Variants in RAB9A observed in about 807,000 individuals in gnomAD.
RAB9A encodes the protein RAB9A, member RAS oncogene family.
Under a neutral mutation model 10.3 loss-of-function variants are expected in RAB9A, and 1 was observed. The ratio of observed to expected loss-of-function variants is 0.10; its 90% CI spans 0.03 to 0.46. The LOEUF (loss-of-function observed/expected upper bound fraction) is 0.46. RAB9A is among the 20% of genes least tolerant of loss of function. The probability of loss-of-function intolerance (pLI) is 0.96; values close to 1 mark genes in which losing one functional copy is unlikely to be tolerated. For missense variants in RAB9A, 92 were observed against 150.3 expected (o/e 0.61, Z 2.03); for synonymous variants, 39 against 55.2 (o/e 0.71, Z 1.30).
chrX:13,694,287 C>T (rs752689359), intron 1 of RAB9A, among the ~76,000 whole-genome samples: 2 of 112,091 alleles, frequency 1.8e-5, no homozygotes, highest in South Asian at 7.4e-4. Flanking sequence ...AGTTTCACAC[C>T]TGTGTATTTG....
intron 1 of RAB9A, among the ~76,000 whole-genome samples, chrX:13,700,225 C>T (rs1197812728): frequency 8.9e-6 from 1 of 112,053 alleles, no homozygotes; most frequent in Non-Finnish European, 1.9e-5. Context: ...GCTGGGATTA[C>T]AGGCATGAGC....
At chrX:13,701,029 C>T (rs2046171144) in intron 1 of RAB9A, among the ~76,000 whole-genome samples, 1 of 112,337 alleles carries the variant, frequency 8.9e-6, no homozygotes, top group Non-Finnish European at 1.9e-5. Context: ...GCCTCTGCCT[C>T]CCGTAGTGTT....
chrX:13,698,718 A>G (rs1361676632), intron 1 of RAB9A, among the ~76,000 whole-genome samples: 1 of 112,262 alleles, frequency 8.9e-6, no homozygotes, highest in Non-Finnish European at 1.9e-5. Flanking sequence ...CTGTAAGACA[A>G]TCAGGAAGTT....
chrX:13,691,659 CAAAAA>C (rs765886332), intron 1 of RAB9A, among the ~76,000 whole-genome samples: 1 of 15,932 alleles, frequency 6.3e-5, no homozygotes, highest in Non-Finnish European at 1.2e-4. Context: ...GACTCCATCT[CAAAAA>C]AAAAAAAAAA....
intron 1 of RAB9A, among the ~76,000 whole-genome samples, chrX:13,703,333 G>A (rs963060745): frequency 1.1e-4 from 12 of 112,072 alleles, no homozygotes; most frequent in Admixed American, 2.8e-4. Flanking sequence ...AGTCAGTATC[G>A]TCATGTGTAA....
At chrX:13,702,541 C>T (rs1165098525) in intron 1 of RAB9A, among the ~76,000 whole-genome samples, 2 of 111,890 alleles carry the variant, frequency 1.8e-5, no homozygotes, top group Non-Finnish European at 3.8e-5. Context: ...AAATAGTTGG[C>T]CTGTGTTACA....
intron 1 of RAB9A, among the ~76,000 whole-genome samples, chrX:13,699,882 G>C (rs1386696249): frequency 1.8e-5 from 2 of 112,305 alleles, no homozygotes; most frequent in Non-Finnish European, 3.8e-5. Context: ...TTATCTGTCA[G>C]AATGGAGACA....
At chrX:13,701,551 A>G (rs1400759620) in intron 1 of RAB9A, among the ~76,000 whole-genome samples, 1 of 111,627 alleles carries the variant, frequency 9.0e-6, no homozygotes, top group Non-Finnish European at 1.9e-5. Flanking sequence ...GATAGTACAC[A>G]TCCATGTAAT....
chrX:13,690,765 A>G (rs1281630230), intron 1 of RAB9A, among the ~76,000 whole-genome samples: 1 of 111,415 alleles, frequency 9.0e-6, no homozygotes, highest in Non-Finnish European at 1.9e-5. Context: ...GTACGTGTAA[A>G]TCCTGTACGT....
chrX:13,693,778 G>A (rs1254930686), intron 1 of RAB9A, among the ~76,000 whole-genome samples: 4 of 111,394 alleles, frequency 3.6e-5, no homozygotes, highest in Non-Finnish European at 5.7e-5. Context: ...GAGACTGGGT[G>A]TGTATTTTGG....
chrX:13,700,487 A>T (rs2046168102), intron 1 of RAB9A, among the ~76,000 whole-genome samples: 1 of 112,049 alleles, frequency 8.9e-6, no homozygotes, highest in Non-Finnish European at 1.9e-5. Context: ...TGTCTTTTGA[A>T]TTTTGCCGTA....
chrX:13,694,524 A>G (rs1041956585), intron 1 of RAB9A, among the ~76,000 whole-genome samples: 13 of 112,130 alleles, frequency 1.2e-4, no homozygotes, highest in African/African-American at 3.2e-4. Context: ...TGGAAAACCT[A>G]GCTTCATGAA....
chrX:13,705,874 A>G (rs777763368), intron 2 of RAB9A, among the ~76,000 whole-genome samples: 3 of 111,136 alleles, frequency 2.7e-5, no homozygotes, highest in Non-Finnish European at 5.7e-5. Context: ...GCCAGGGTGG[A>G]GGCAAGAGGG....
intron 1 of RAB9A, among the ~76,000 whole-genome samples, chrX:13,697,864 C>T (rs1360096957): frequency 1.8e-5 from 2 of 112,122 alleles, no homozygotes; most frequent in African/African-American, 6.5e-5. Flanking sequence ...ACATGTGATT[C>T]TAGGGAGTGT....
intron 1 of RAB9A, among the ~76,000 whole-genome samples, chrX:13,702,673 T>C (rs1379631126): frequency 8.9e-6 from 1 of 111,873 alleles, no homozygotes; most frequent in Non-Finnish European, 1.9e-5. Flanking sequence ...GGTTTACACA[T>C]TGTGTGTCTC....
In RAB9A at chrX:13,709,205, A is replaced by G; in HGVS notation, c.459A>G (p.Thr153=). ...ACGGCGACTATCCTTATTTTGAAACAAGTGCAAAAGATGCCACAAATGTGG... is the reference window on the plus strand; with the variant it reads ...ACGGCGACTATCCTTATTTTGAAACGAGTGCAAAAGATGCCACAAATGTGG... The part of the protein sequence containing the change: ...RDNGDYPYFE[T]SAKDATNVAA... Residue 153 remains threonine, a synonymous_variant, in exon 3 of 3, where the codon ACA becomes ACG. Transcript: ENST00000464506. 8.3e-7 allele frequency: 1 copy of G among 1,211,795 alleles called. No homozygotes were observed. Among genetic ancestry groups the G allele is most frequent in the Non-Finnish European group, 1.1e-6 (1 of 895,535 alleles).
chrX:13,693,029 A>G (rs745889282), intron 1 of RAB9A, among the ~76,000 whole-genome samples: 1 of 112,368 alleles, frequency 8.9e-6, no homozygotes, highest in African/African-American at 3.2e-5. Flanking sequence ...TTTGATCATT[A>G]ATTGGCTTGC....
intron 1 of RAB9A, among the ~76,000 whole-genome samples, chrX:13,697,023 G>A (rs2046151001): frequency 9.0e-6 from 1 of 111,282 alleles, no homozygotes; most frequent in East Asian, 2.8e-4. Context: ...GGACATAGCT[G>A]CCCCTCTTTA....
chrX:13,696,244 CA>C (rs34701498), intron 1 of RAB9A, among the ~76,000 whole-genome samples: 69 of 75,801 alleles, frequency 9.1e-4, no homozygotes, highest in African/African-American at 1.8e-3. Context: ...CTTGTCATTA[CA>C]AAAAAAAAAA....
Sources: allele counts gnomAD v4.1 joint callset (sites outside exome capture counted in the v4.1 genomes callset), GRCh38; gene constraint gnomAD v4.1.1; transcripts MANE v1.5; gene names NCBI Gene and HGNC (gene_info 2026-07-23, HGNC 2026-07-21).